The following REPIN1 variants were observed in gnomAD, a reference collection of about 807,000 sequenced individuals.
REPIN1 encodes replication initiator 1, also known as DNA-binding protein REPIN1.
A neutral mutation model predicts 5.7 loss-of-function variants in REPIN1; 4 were observed. The ratio of observed to expected loss-of-function variants is 0.71; its 90% CI spans 0.35 to 1.62. The LOEUF (loss-of-function observed/expected upper bound fraction) is 1.62, where lower values mean the gene tolerates loss of function less well. Among genes scored for constraint, REPIN1 ranks in the 40% most tolerant of loss-of-function variants. The pLI is 0.05. For missense variants in REPIN1, 854 were observed against 901.0 expected, an observed-to-expected ratio of 0.95 and a Z score of 0.67; for synonymous variants, 410 against 386.2, an observed-to-expected ratio of 1.06 and a Z score of -0.72.
Position 150,370,187 on chromosome 7 carries a change from G to A in REPIN1, c.157+319G>A, listed in dbSNP as rs1182906069. On this transcript the variant is annotated intron_variant, in intron 2 of 2. Coordinates refer to ENST00000489432, the MANE Select transcript of REPIN1 (RefSeq NM_001099695.2). ...GAGCTGTGGAAGAGCTGAACATGGG[G>A]CAGCCCCTGGCGAGGTTGGGGCAGG... 1.3e-5 allele frequency: 4 copies of A among 302,210 alleles called. No homozygotes were observed. The East Asian group carries it at 2.5e-4, about 19-fold the overall frequency. 18.7% of individuals were successfully genotyped at this position (302,210 alleles called of 1,614,324 possible).
At position 150,372,529 on chromosome 7, in the gene REPIN1, C is replaced by T. The variant is rs768826826; in HGVS notation, c.1459C>T (p.Pro487Ser). 6.4e-7 allele frequency: 1 copy of T among 1,561,782 alleles called. No individual in the cohort carries two copies. The highest frequency in any genetic ancestry group is 8.6e-7 in the Non-Finnish European group (1 of 1,160,340). The change falls in exon 3 of 3, where the codon CCC becomes TCC. Residue 487 changes from proline (P) to serine (S), a missense_variant. Pro to Ser is a moderately conservative substitution (Grantham distance 74). This residue lies in a region of REPIN1 where 327 missense variants were observed against 307.8 expected (regional missense o/e 1.06). Transcript: ENST00000489432. ...CTCGCGCGTGCACTCCGGCGAGCGG[C>T]CCTTCGCCTGCGAGGAGTGCGGCCG... ...AHSRVHSGER[P>S]FACEECGRRF...
rs1472682240 is a variant in REPIN1, at chr7:150,371,584, G to A, written c.514G>A (p.Gly172Ser). ...CCATGCTGCTGCCACCCCAGACCTG[G>A]GCTTTGCCTGCCACCTCTGTGGGCA... ...QVHAAATPDL[G>S]FACHLCGQSF... The change falls in exon 3 of 3, where the codon GGC becomes AGC. Residue 172 changes from glycine (G) to serine (S), a missense_variant. Gly to Ser is a moderately conservative substitution (Grantham distance 56). This residue lies in a region of REPIN1 where 409 missense variants were observed against 418.6 expected (regional missense o/e 0.98). Coordinates refer to ENST00000489432, the MANE Select transcript of REPIN1 (RefSeq NM_001099695.2). 6.2e-7 allele frequency: 1 copy of A among 1,604,734 alleles called. No homozygotes were observed. Among genetic ancestry groups the A allele is most frequent in the South Asian group, 1.1e-5 (1 of 90,590 alleles).
Position 150,372,620 on chromosome 7 carries a change from T to C in REPIN1, c.1550T>C (p.Val517Ala), listed in dbSNP as rs770215207. The change falls in exon 3 of 3, where the codon GTG becomes GCG. Residue 517 changes from valine (V) to alanine (A), a missense_variant. Physicochemically the swap from Val to Ala is moderately conservative, Grantham distance 64. Transcript: ENST00000489432. ...GACCACGCCCCCGATCGGCCCTTCG[T>C]GTGTCCCGACTGCGGCAAGGCCTTC... ...RRDHAPDRPF[V>A]CPDCGKAFRH... 21 of 1,609,498 alleles carry C rather than the reference T, an allele frequency of 1.3e-5. No individual in the cohort carries two copies. Among genetic ancestry groups the C allele is most frequent in the Non-Finnish European group, 1.8e-5 (21 of 1,179,430 alleles).
rs767294761 is a variant in REPIN1, at chr7:150,372,781, C to T, written c.1711C>T (p.Pro571Ser). 48 of 1,612,010 alleles carry T rather than the reference C, an allele frequency of 3.0e-5. No homozygotes were observed. Among genetic ancestry groups the T allele is most frequent in the Non-Finnish European group, 3.7e-5 (44 of 1,179,974 alleles). The change falls in exon 3 of 3, where the codon CCC (proline) becomes TCC (serine). Residue 571 changes from proline to serine, a missense_variant. Coordinates refer to ENST00000489432, the MANE Select transcript of REPIN1 (RefSeq NM_001099695.2). ...CCGGCGCATCCACACGGGCGAGCGG[C>T]CCTACGCCTGTCCCGACTGCGACCG... Reference protein sequence around the residue: ...SHRRIHTGERPYACPDCDRSF... With the variant: ...SHRRIHTGERSYACPDCDRSF...
chr7:150,368,284 C>T (rs1799025392), upstream of REPIN1: 3 of 152,234 alleles, frequency 2.0e-5, no homozygotes, highest in African/African-American at 7.2e-5. Context: ...TTTTGTGCTC[C>T]ACTTTGGAAC....
rs779709796 is a variant in REPIN1, at chr7:150,372,195, G to A, written c.1125G>A (p.Glu375=). The A allele has an allele frequency of 8.1e-6, 13 of 1,602,102 alleles. No individual in the cohort carries two copies. The highest frequency in any genetic ancestry group is 9.3e-6 in the Non-Finnish European group (11 of 1,176,736). The change falls in exon 3 of 3, where the codon GAG becomes GAA. Residue 375 remains glutamate (E), a synonymous_variant. Transcript: ENST00000489432. ...ACAGCAAGATTCACAAGCGATCCGA[G>A]GGGTCGGCCCAGGCCGCCCCCGGCC... ...LSHSKIHKRS[E]GSAQAAPGPG...
chr7:150,372,309 G>A lies in REPIN1; in HGVS notation c.1239G>A (p.Pro413=), dbSNP rs773234784. 3.0e-6 allele frequency: 4 copies of A among 1,333,068 alleles called. 1 individual carries two copies. The South Asian group carries it at 7.0e-5, about 23-fold the overall frequency. 82.6% of individuals were successfully genotyped at this position (1,333,068 alleles called of 1,614,324 possible). ...CTCTGAAACCGGCCCAGGAGCCGCC[G>A]CCAGGGGCCCCGCCAGAGCACCCGC... ...AVPLKPAQEP[P]PGAPPEHPQD... The change falls in exon 3 of 3, where the codon CCG becomes CCA. Residue 413 remains proline (P), a synonymous_variant. Coordinates refer to ENST00000489432, the MANE Select transcript of REPIN1 (RefSeq NM_001099695.2).
rs915372461 is a variant in REPIN1 at position 150,372,387 on chromosome 7, G to A, written c.1317G>A (p.Arg439=). The A allele has an allele frequency of 4.0e-6, 6 of 1,488,654 alleles. No homozygotes were observed. In the African/African-American group the frequency reaches 5.6e-5, roughly 14 times the overall value. The allele number at this position is 1,488,654 out of a possible 1,614,324, so 92.2% of individuals were successfully genotyped here. A position where few individuals can be genotyped will look rare whatever the true frequency, so the allele number is the denominator to read the frequency against. The change falls in exon 3 of 3, where the codon AGG becomes AGA. Residue 439 remains arginine, a synonymous_variant. Transcript: ENST00000489432. ...PSLYSCDDCG[R]SFRLERFLRA... ...TCTACAGCTGCGACGACTGCGGCAG[G>A]AGCTTCCGGCTGGAGCGCTTCCTGC...
rs1204772795 is a variant in REPIN1 at position 150,372,345 on chromosome 7, C to A, written c.1275C>A (p.Ile425=). ...GAPPEHPQDP[I]EAPPSLYSCD... ...CGCCAGAGCACCCGCAGGACCCGATCGAAGCCCCCCCCTCCCTCTACAGCT... is the reference window on the plus strand; with the variant it reads ...CGCCAGAGCACCCGCAGGACCCGATAGAAGCCCCCCCCTCCCTCTACAGCT... Residue 425 remains isoleucine (I), a synonymous_variant, in exon 3 of 3, where the codon ATC becomes ATA. Transcript: ENST00000489432. 7.9e-6 allele frequency: 12 copies of A among 1,514,578 alleles called. No homozygotes were observed. Among genetic ancestry groups the A allele is most frequent in the African/African-American group, 2.8e-5 (2 of 71,246 alleles). The allele number at this position is 1,514,578 out of a possible 1,614,324, so 93.8% of individuals were successfully genotyped here. A position where few individuals can be genotyped will look rare whatever the true frequency, so the allele number is the denominator to read the frequency against.
chr7:150,369,585 GA>G, intron 1 of REPIN1, 85 bp from the exon 2 acceptor site: 1 of 1,183,190 alleles, frequency 8.5e-7, no homozygotes, highest in Admixed American at 2.0e-5. Context: ...TTTGTGGGGG[GA>G]GGGGTTGTGG....
At position 150,369,717 on chromosome 7, in the gene REPIN1, GA is replaced by G; in HGVS notation, c.7del (p.Ile3Ter). ...TCAGAGGTCTGAGCTCTGCCATGGGGATAGGGGTGTCTTTATTACTGCAGTT... is the reference window on the plus strand; with the variant it reads ...TCAGAGGTCTGAGCTCTGCCATGGGGTAGGGGTGTCTTTATTACTGCAGTT... MG[I>X]GVSLLLQFSL... On this transcript the variant is annotated frameshift_variant, in exon 2 of 3. Transcript: ENST00000489432. LOFTEE classifies it high-confidence loss of function. 1 of 1,613,962 alleles carries G rather than the reference GA, an allele frequency of 6.2e-7. No individual in the cohort carries two copies. Among genetic ancestry groups the G allele is most frequent in the Non-Finnish European group, 8.5e-7 (1 of 1,179,858 alleles).
chr7:150,368,914 C>T lies in REPIN1; in HGVS notation c.-69C>T. ...GGCCTTCGGGCTCCATGGACGGGCG[C>T]CGCGTCCCTGCACAGCCCGCCGCAG... On this transcript the variant is annotated 5_prime_UTR_variant, in exon 1 of 3. Coordinates refer to ENST00000489432, the MANE Select transcript of REPIN1 (RefSeq NM_001099695.2). The T allele has an allele frequency of 2.8e-6, 1 of 363,558 alleles. No homozygotes were observed. The highest frequency in any genetic ancestry group is 4.9e-6 in the Non-Finnish European group (1 of 204,264). 22.5% of individuals were successfully genotyped at this position (363,558 alleles called of 1,614,324 possible).
At chr7:150,370,840 G>A (rs1799617212) in intron 2 of REPIN1, 1 of 701,902 alleles carries the variant, frequency 1.4e-6, no homozygotes, top group East Asian at 2.7e-5. Flanking sequence ...GACACAGGGA[G>A]AGGGCAGCAT....
rs1438410413 is a variant in REPIN1 at position 150,373,792 on chromosome 7, C to G, written c.*847C>G. On this transcript the variant is annotated 3_prime_UTR_variant, in exon 3 of 3. Transcript: ENST00000489432. ...AAGTTGCTGGTGAGTTTCCTTTTCT[C>G]CATTTCTAGCATATGGACACCTGGC... is the stretch of plus-strand genomic sequence containing the variant. The G allele has an allele frequency of 6.0e-6, 1 of 167,064 alleles. No homozygotes were observed. The highest frequency in any genetic ancestry group is 2.4e-5 in the African/African-American group (1 of 41,432). 10.3% of individuals were successfully genotyped at this position (167,064 alleles called of 1,614,324 possible).
chr7:150,371,888 C>G lies in REPIN1; in HGVS notation c.818C>G (p.Pro273Arg), dbSNP rs1203669495. The G allele has an allele frequency of 1.2e-6, 2 of 1,606,162 alleles. No individual in the cohort carries two copies. The highest frequency in any genetic ancestry group is 2.2e-5 in the East Asian group (1 of 44,788). The change falls in exon 3 of 3, where the codon CCC (proline) becomes CGC (arginine). Residue 273 changes from proline to arginine, a missense_variant. Pro to Arg is a moderately radical substitution (Grantham distance 103). This residue lies in a region of REPIN1 where 409 missense variants were observed against 418.6 expected (regional missense o/e 0.98). Coordinates refer to ENST00000489432, the MANE Select transcript of REPIN1 (RefSeq NM_001099695.2). The stretch of plus-strand genomic sequence containing the variant: ...GCAGCCAAGGCTCTGGGGCCCCGGC[C>G]CAGGGGCCGCCCCGCGGTGACCGCC... ...EAAAKALGPR[P>R]RGRPAVTAPR...
At chr7:150,370,559 C>A in intron 2 of REPIN1, 1 of 581,378 alleles carries the variant, frequency 1.7e-6, no homozygotes, top group Non-Finnish European at 3.1e-6. Flanking sequence ...AAAGTGCCTC[C>A]CCTGTGGGGC....
intron 1 of REPIN1, chr7:150,369,396 A>G (rs983271446): frequency 2.3e-6 from 1 of 441,464 alleles, no homozygotes; most frequent in Non-Finnish European, 4.2e-6. Flanking sequence ...CCATCAGGGA[A>G]AGCCCAGACT....
chr7:150,372,693 G>A lies in REPIN1; in HGVS notation c.1623G>A (p.Glu541=). ...CGCACCGGCGCATCCACACCGGCGA[G>A]AAGCCCTACGTCTGCCCCGACTGCG... ...LAAHRRIHTG[E]KPYVCPDCGK... is the part of the protein sequence containing the mutation. The change falls in exon 3 of 3, where the codon GAG becomes GAA. Residue 541 remains glutamate (E), a synonymous_variant. Transcript: ENST00000489432. 1 of 1,612,658 alleles carries A rather than the reference G, an allele frequency of 6.2e-7. No individual in the cohort carries two copies. Among genetic ancestry groups the A allele is most frequent in the Non-Finnish European group, 8.5e-7 (1 of 1,179,866 alleles).
intron 1 of REPIN1, chr7:150,369,270 AC>A (rs965218317): frequency 1.0e-4 from 41 of 396,700 alleles, no homozygotes; most frequent in Non-Finnish European, 1.3e-4. Flanking sequence ...TCGTGGTCAC[AC>A]CAGCTGGCCC....
Sources: gnomAD v4.1 joint callset for allele counts on GRCh38, gnomAD v4.1.1 for gene constraint, gnomAD v4.1.1 regional missense constraint, MANE v1.5 for transcripts, NCBI Gene and HGNC (gene_info 2026-07-23, HGNC 2026-07-21) for gene names.